The following ANXA7 variants were observed in gnomAD, a reference collection of about 807,000 sequenced individuals.
ANXA7 encodes annexin VII.
In ANXA7, 55 loss-of-function variants were observed where a neutral mutation model predicts 64.9. That is an observed-to-expected ratio of 0.85 (90% CI 0.68 to 1.06). The LOEUF is 1.06. Ranked by LOEUF, ANXA7 falls within the 50% of genes least tolerant of loss-of-function variation. ANXA7 has a pLI of 0.00. For synonymous variants in ANXA7, 200 were observed against 192.4 expected, an observed-to-expected ratio of 1.04 and a Z score of -0.33; for missense variants, 548 against 582.1, an observed-to-expected ratio of 0.94 and a Z score of 0.60.
At chr10:73,391,093 G>A (rs571112105) in intron 5 of ANXA7, among the ~76,000 whole-genome samples, 6 of 149,704 alleles carry the variant, frequency 4.0e-5, no homozygotes, top group South Asian at 4.3e-4. Context: ...ACTTGAACCC[G>A]GGAGGCGGAG....
intron 12 of ANXA7, among the ~76,000 whole-genome samples, chr10:73,378,445 G>A (rs113470194): frequency 1.3e-5 from 2 of 151,106 alleles, no homozygotes; most frequent in African/African-American, 4.9e-5. Flanking sequence ...TTTGTAAGTG[G>A]AGTAAATATA....
At chr10:73,395,794 A>T in intron 5 of ANXA7, 1 of 536,830 alleles carries the variant, frequency 1.9e-6, no homozygotes, top group Non-Finnish European at 3.4e-6. Context: ...CTCAAAAAAA[A>T]AAAAAAAGAA....
In ANXA7 at chr10:73,397,176, C is replaced by T; in HGVS notation, c.358G>A (p.Val120Ile). ...SQSYGGGPAQVPLPGGFPGGQ... is the reference protein window; with the variant it reads ...SQSYGGGPAQIPLPGGFPGGQ... ...AGCTGGTACCTACCAGGTAGTGGAA[C>T]CTGTGCTGGACCACCTCCATAAGAC... Residue 120 changes from valine to isoleucine, a missense_variant, in exon 4 of 13, where the codon GTT becomes ATT. Transcript: ENST00000372921. The T allele has an allele frequency of 1.3e-6, 2 of 1,595,800 alleles. No homozygotes were observed. Among genetic ancestry groups the T allele is most frequent in the Non-Finnish European group, 1.7e-6 (2 of 1,170,168 alleles).
chr10:73,409,881 CT>C (rs1053782793), intron 1 of ANXA7, among the ~76,000 whole-genome samples: 11 of 152,138 alleles, frequency 7.2e-5, no homozygotes, highest in Non-Finnish European at 1.5e-4. Context: ...GCCAACTGCT[CT>C]TTGACAAAGC....
chr10:73,390,512 G>A (rs1483257925), intron 5 of ANXA7, among the ~76,000 whole-genome samples: 1 of 151,618 alleles, frequency 6.6e-6, no homozygotes, highest in African/African-American at 2.4e-5. Context: ...GCAAATAGTC[G>A]AGTATAAAAA....
Position 73,383,508 on chromosome 10 carries a change from G to C in ANXA7, c.747+69C>G. 12 of 1,351,016 alleles carry C rather than the reference G, an allele frequency of 8.9e-6. No homozygotes were observed. In the South Asian group the frequency reaches 1.5e-4, roughly 17 times the overall value. 83.7% of individuals were successfully genotyped at this position (1,351,016 alleles called of 1,614,324 possible). A position where few individuals can be genotyped will look rare whatever the true frequency, so the allele number is the denominator to read the frequency against. On this transcript the variant is annotated intron_variant, in intron 8 of 12. Coordinates refer to ENST00000372921, the MANE Select transcript of ANXA7 (RefSeq NM_001156.5). The stretch of plus-strand genomic sequence containing the variant: ...TAATTACCACTGTAAATTCAGAACT[G>C]TCATAATTTGTACGGTTTTACATAT...
chr10:73,390,721 A>AAATATATATATACATATATATATATATAT (rs2055464321), intron 5 of ANXA7, among the ~76,000 whole-genome samples: 2 of 107,746 alleles, frequency 1.9e-5, no homozygotes, highest in African/African-American at 8.1e-5. Flanking sequence ...TATATATATA[A>AAATATATATATACATATATATATATATAT]AAATATATAT....
intron 9 of ANXA7, among the ~76,000 whole-genome samples, chr10:73,381,930 G>T (rs1465570690): frequency 2.0e-5 from 3 of 150,754 alleles, no homozygotes; most frequent in Non-Finnish European, 4.4e-5. Flanking sequence ...CCAGGCTGGA[G>T]TGCAATGGCA....
chr10:73,394,653 T>A (rs1442285392), intron 5 of ANXA7, among the ~76,000 whole-genome samples: 1 of 152,112 alleles, frequency 6.6e-6, no homozygotes, highest in African/African-American at 2.4e-5. Flanking sequence ...AGGTGGGAAC[T>A]GAACAATGAG....
At position 73,375,975 on chromosome 10, in the gene ANXA7, G is replaced by T. The variant is rs998964653; in HGVS notation, c.*120C>A. On this transcript the variant is annotated 3_prime_UTR_variant, in exon 13 of 13. Transcript: ENST00000372921. ...CAAACCAAGCACATTACCCTGATAC[G>T]GTCCTTGACAGAAAGCTCTTTCGGT... is the stretch of plus-strand genomic sequence containing the variant. 3.8e-6 allele frequency: 3 copies of T among 787,368 alleles called. No homozygotes were observed. The highest frequency in any genetic ancestry group is 3.5e-5 in the African/African-American group (2 of 56,446). The allele number at this position is 787,368 out of a possible 1,614,324, so 48.8% of individuals were successfully genotyped here.
At chr10:73,404,174 A>C (rs2055716583) in intron 1 of ANXA7, among the ~76,000 whole-genome samples, 1 of 152,250 alleles carries the variant, frequency 6.6e-6, no homozygotes, top group Non-Finnish European at 1.5e-5. Flanking sequence ...AAAAGAAAGT[A>C]GGGTGGTAGA....
chr10:73,377,904 C>CGTGTGTGTGT (rs141696096), intron 12 of ANXA7, among the ~76,000 whole-genome samples: 4 of 119,328 alleles, frequency 3.4e-5, no homozygotes, highest in Admixed American at 8.4e-5. Flanking sequence ...CACGCCCCGG[C>CGTGTGTGTGT]GTGTGTGTGT....
chr10:73,383,727 C>T, intron 7 of ANXA7, 37 bp from the exon 8 acceptor site: 1 of 1,334,756 alleles, frequency 7.5e-7, no homozygotes, highest in Non-Finnish European at 1.1e-6. Flanking sequence ...TATATGTGTT[C>T]TCCAAATTTT....
Position 73,380,090 on chromosome 10 carries a change from T to G in ANXA7, c.1030A>C (p.Met344Leu), listed in dbSNP as rs1205681157. The G allele has an allele frequency of 6.2e-7, 1 of 1,614,190 alleles. No homozygotes were observed. The highest frequency in any genetic ancestry group is 8.5e-7 in the Non-Finnish European group (1 of 1,180,040). The change falls in exon 10 of 13, where the codon ATG becomes CTG. Residue 344 changes from methionine (M) to leucine (L), a missense_variant. Transcript: ENST00000372921. ...RLGTDESCFN[M>L]ILATRSFPQL... Reference sequence around the variant, plus strand: ...GGAAAGCTTCTTGTGGCAAGGATCATGTTAAAGCAAGATTCATCGGTCCCT... The same window carrying G: ...GGAAAGCTTCTTGTGGCAAGGATCAGGTTAAAGCAAGATTCATCGGTCCCT...
At position 73,383,762 on chromosome 10, in the gene ANXA7, T is replaced by C. The variant is rs527522262; in HGVS notation, c.634-72A>G. ...TGTCACTTAAATCTTTTAAGGAAAA[T>C]ACAAAAAAAGAAATGGAATTGCTTT... On this transcript the variant is annotated intron_variant, in intron 7 of 12. Coordinates refer to ENST00000372921, the MANE Select transcript of ANXA7 (RefSeq NM_001156.5). 8 of 972,312 alleles carry C rather than the reference T, an allele frequency of 8.2e-6. No homozygotes were observed. In the African/African-American group the frequency reaches 1.2e-4, roughly 14 times the overall value. 60.2% of individuals were successfully genotyped at this position (972,312 alleles called of 1,614,324 possible). A position where few individuals can be genotyped will look rare whatever the true frequency, so the allele number is the denominator to read the frequency against.
At position 73,375,675 on chromosome 10, in the gene ANXA7, CA is replaced by C. The variant is rs1214850696; in HGVS notation, c.*419del. The stretch of plus-strand genomic sequence containing the variant: ...AAAGGTTGAATTTTTTTTTAAAGTA[CA>C]CAGTTTTAACACACTATCCACTCTA... On this transcript the variant is annotated 3_prime_UTR_variant, in exon 13 of 13. Transcript: ENST00000372921. The C allele has an allele frequency of 6.6e-6, 1 of 152,278 alleles. No homozygotes were observed. Among genetic ancestry groups the C allele is most frequent in the Non-Finnish European group, 1.5e-5 (1 of 68,238 alleles). The allele number at this position is 152,278 out of a possible 1,614,324, so 9.4% of individuals were successfully genotyped here. A position where few individuals can be genotyped will look rare whatever the true frequency, so the allele number is the denominator to read the frequency against.
chr10:73,389,430 G>A (rs2055431193), intron 5 of ANXA7, among the ~76,000 whole-genome samples: 1 of 152,064 alleles, frequency 6.6e-6, no homozygotes, highest in African/African-American at 2.4e-5. Flanking sequence ...CTGTAGGTTG[G>A]GTAACAGTAC....
chr10:73,409,832 A>G (rs1298574301), intron 1 of ANXA7, among the ~76,000 whole-genome samples: 1 of 152,214 alleles, frequency 6.6e-6, no homozygotes, highest in Non-Finnish European at 1.5e-5. Context: ...GACCAATGGA[A>G]CAAAATAGAG....
In ANXA7 at chr10:73,375,145, AAC is replaced by A. The variant is rs1156921115; in HGVS notation, c.*948_*949del. The A allele has an allele frequency of 6.6e-6, 1 of 152,252 alleles. No individual in the cohort carries two copies. The highest frequency in any genetic ancestry group is 1.5e-5 in the Non-Finnish European group (1 of 68,056). 9.4% of individuals were successfully genotyped at this position (152,252 alleles called of 1,614,324 possible). On this transcript the variant is annotated 3_prime_UTR_variant, in exon 13 of 13. Transcript: ENST00000372921. ...GTGGAATCTAAAATAGCTGAACTTAAACACAGTGGTGGTTGTCCAGGTGAGAG... is the reference window on the plus strand; with the variant it reads ...GTGGAATCTAAAATAGCTGAACTTAAACAGTGGTGGTTGTCCAGGTGAGAG...
Sources: gnomAD v4.1 joint callset for allele counts (sites outside exome capture counted in the v4.1 genomes callset) on GRCh38, gnomAD v4.1.1 for gene constraint, MANE v1.5 for transcripts, NCBI Gene and HGNC (gene_info 2026-07-23, HGNC 2026-07-21) for gene names.